Variants in COL1A2 observed in about 807,000 individuals in gnomAD.
COL1A2 encodes collagen type I alpha 2 chain, also known as collagen alpha-2(I) chain.
A neutral mutation model predicts 174.3 loss-of-function variants in COL1A2; 49 were observed. The observed-to-expected ratio is 0.28, with a 90% CI of 0.22 to 0.36. The LOEUF is 0.36. Ranked by LOEUF, COL1A2 falls within the 10% of genes least tolerant of loss-of-function variation. COL1A2 has a pLI of 1.00. For synonymous variants in COL1A2, 655 were observed against 606.6 expected, an observed-to-expected ratio of 1.08 and a Z score of -1.17; for missense variants, 1,438 against 1,822.7, an observed-to-expected ratio of 0.79 and a Z score of 3.84.
At chr7:94,420,687 C>A in intron 37 of COL1A2, 39 bp downstream of exon 37, 1 of 1,514,688 alleles carries the variant, frequency 6.6e-7, no homozygotes, top group East Asian at 2.4e-5. Context: ...AGCAGCTACC[C>A]ATTAGATCTT....
chr7:94,410,091 C>G, intron 19 of COL1A2, 151 bp from the exon 20 acceptor site: 2 of 852,794 alleles, frequency 2.3e-6, no homozygotes, highest in South Asian at 2.9e-5. Context: ...AATACCATTC[C>G]CCTGTACTCA....
rs779173151 is a variant in COL1A2, at chr7:94,411,130, G to C, written c.1326G>C (p.Gly442=). 1.6e-5 allele frequency: 26 copies of C among 1,594,116 alleles called. 2 individuals are homozygous for C. The South Asian group carries it at 2.5e-4, about 15-fold the overall frequency. ...CTAATGGAGATGCTGGTCGCCCTGG[G>C]GAGCCTGGTCTCATGGGACCCAGAG... The part of the protein sequence containing the change: ...RGPNGDAGRP[G]EPGLMGPRGL... The change falls in exon 23 of 52, where the codon GGG becomes GGC. Residue 442 remains glycine, a synonymous_variant. Transcript: ENST00000297268.
chr7:94,408,966 A>G, intron 16 of COL1A2, 143 bp downstream of exon 16: 3 of 828,752 alleles, frequency 3.6e-6, no homozygotes, highest in South Asian at 1.5e-5. Context: ...ACATAGAATG[A>G]CCAGTTTTCT....
rs770641423 is a variant in COL1A2, at chr7:94,417,731, C to G, written c.1871C>G (p.Pro624Arg). ...ACATGTGTTTGACTCAAGGGTGAACCTGGTGTGGTTGGTGCTGTGGGCACT... is the reference window on the plus strand; with the variant it reads ...ACATGTGTTTGACTCAAGGGTGAACGTGGTGTGGTTGGTGCTGTGGGCACT... ...PPGPDGNKGE[P>R]GVVGAVGTAG... The change falls in exon 32 of 52, where the codon CCT becomes CGT. Residue 624 changes from proline (P) to arginine (R), a missense_variant. Around this residue, in one of 3 missense-constraint regions of COL1A2, gnomAD observed 867 missense variants for 1,213.7 expected, o/e 0.71. Coordinates refer to ENST00000297268, the MANE Select transcript of COL1A2 (RefSeq NM_000089.4). The G allele has an allele frequency of 6.3e-7, 1 of 1,592,122 alleles. No individual in the cohort carries two copies. The highest frequency in any genetic ancestry group is 1.1e-5 in the South Asian group (1 of 87,144).
rs75610664 is a variant in COL1A2, at chr7:94,427,389, G to T, written c.3267+94G>T. The T allele has an allele frequency of 6.5e-3, 8,174 of 1,254,554 alleles. 407 individuals carry two copies. In the African/African-American group the frequency reaches 0.1, roughly 16 times the overall value. The allele number at this position is 1,254,554 out of a possible 1,614,324, so 77.7% of individuals were successfully genotyped here. On this transcript the variant is annotated intron_variant, in intron 48 of 51. Transcript: ENST00000297268. Reference sequence around the variant, plus strand: ...AAGACAACTTTGACAACCCATTAAAGTTAGCCCCATTTCAATATATCCTCT... The same window carrying T: ...AAGACAACTTTGACAACCCATTAAATTTAGCCCCATTTCAATATATCCTCT...
chr7:94,428,255 T>G, intron 49 of COL1A2, 38 bp from the exon 50 acceptor site: 5 of 1,491,482 alleles, frequency 3.4e-6, no homozygotes, highest in Non-Finnish European at 3.7e-6. Context: ...TTCTGCTCAA[T>G]GAGAAGTTTC....
At position 94,427,262 on chromosome 7, in the gene COL1A2, C is replaced by T. The variant is rs758603873; in HGVS notation, c.3234C>T (p.Gly1078=). 1 of 1,613,696 alleles carries T rather than the reference C, an allele frequency of 6.2e-7. No individual in the cohort carries two copies. The highest frequency in any genetic ancestry group is 1.1e-5 in the South Asian group (1 of 90,964). The part of the protein sequence containing the change: ...TGHPGTVGPA[G]IRGPQGHQGP... ...ATCCTGGTACAGTTGGACCTGCTGG[C>T]ATTCGAGGCCCTCAGGGTCACCAAG... Residue 1078 remains glycine (G), a synonymous_variant, in exon 48 of 52, where the codon GGC becomes GGT. Coordinates refer to ENST00000297268, the MANE Select transcript of COL1A2 (RefSeq NM_000089.4).
chr7:94,407,398 A>T (rs1372265370), intron 12 of COL1A2, among the ~76,000 whole-genome samples: 1 of 152,174 alleles, frequency 6.6e-6, no homozygotes, highest in Non-Finnish European at 1.5e-5. Context: ...TATAGATTGG[A>T]AATAAATATG....
At chr7:94,397,024 C>A (rs41317852) in intron 1 of COL1A2, among the ~76,000 whole-genome samples, 67 of 152,064 alleles carry the variant, frequency 4.4e-4, no homozygotes, top group African/African-American at 1.6e-3. Context: ...TTTTCAAGAT[C>A]TTTAATCCGG....
rs2115874899 is a variant in COL1A2 at position 94,404,554 on chromosome 7, A to G, written c.280-2A>G. On this transcript the variant is annotated splice_acceptor_variant, in intron 6 of 51. Transcript: ENST00000297268. LOFTEE classifies it high-confidence loss of function. ...CTGTTGATATATCTGCTTTCTTTAC[A>G]GGGCTTAATGGGACCTAGAGGCCCA... The G allele has an allele frequency of 6.2e-7, 1 of 1,613,154 alleles. No homozygotes were observed. The highest frequency in any genetic ancestry group is 1.1e-5 in the South Asian group (1 of 91,050).
intron 21 of COL1A2, 51 bp from the exon 22 acceptor site, chr7:94,410,838 C>G: frequency 1.9e-6 from 3 of 1,589,342 alleles, no homozygotes; most frequent in Non-Finnish European, 2.6e-6. Context: ...TCTACCTTAT[C>G]AAAGCCAAGA....
Position 94,395,346 on chromosome 7 carries a change from G to A in COL1A2, c.70+245G>A, listed in dbSNP as rs187643602. 8.3e-4 allele frequency: 471 copies of A among 568,024 alleles called. 3 individuals carry two copies. Among genetic ancestry groups the A allele is most frequent in the African/African-American group, 7.9e-3 (422 of 53,252 alleles). The allele number at this position is 568,024 out of a possible 1,614,324, so 35.2% of individuals were successfully genotyped here. A position where few individuals can be genotyped will look rare whatever the true frequency, so the allele number is the denominator to read the frequency against. ...AGTTCAGAGTGAGACAGTTAACTCG[G>A]TCTGGCTCCTCAGCTTAGTAACCCC... On this transcript the variant is annotated intron_variant, in intron 1 of 51. Transcript: ENST00000297268.
Position 94,419,478 on chromosome 7 carries a change from T to C in COL1A2, c.2026-20T>C. ...GATACGGGGTGTTATTAATAAGACA[T>C]GTTTCCTTTTTGGTACTAGGGTGCT... On this transcript the variant is annotated intron_variant, in intron 33 of 51. Coordinates refer to ENST00000297268, the MANE Select transcript of COL1A2 (RefSeq NM_000089.4). The C allele has an allele frequency of 6.2e-7, 1 of 1,613,800 alleles. No individual in the cohort carries two copies. The highest frequency in any genetic ancestry group is 8.5e-7 in the Non-Finnish European group (1 of 1,179,772).
chr7:94,421,261 C>T, intron 38 of COL1A2, 199 bp downstream of exon 38: 1 of 639,380 alleles, frequency 1.6e-6, no homozygotes, highest in South Asian at 1.9e-5. Context: ...TATCAGCTCA[C>T]TTGAGGTAAT....
intron 7 of COL1A2, 37 bp downstream of exon 7, chr7:94,404,637 AAGAC>A: frequency 3.7e-6 from 6 of 1,614,150 alleles, no homozygotes; most frequent in Non-Finnish European, 5.1e-6. Flanking sequence ...CTTATGTAAA[AAGAC>A]AGAGAATTAA....
chr7:94,428,256 G>A, intron 49 of COL1A2, 37 bp from the exon 50 acceptor site: 2 of 1,499,220 alleles, frequency 1.3e-6, no homozygotes, highest in Non-Finnish European at 1.9e-6. Flanking sequence ...TCTGCTCAAT[G>A]AGAAGTTTCA....
At chr7:94,414,911 G>A (rs905124563) in intron 29 of COL1A2, among the ~76,000 whole-genome samples, 5 of 152,142 alleles carry the variant, frequency 3.3e-5, no homozygotes, top group Non-Finnish European at 7.4e-5. Flanking sequence ...AATAGGCAAT[G>A]TCTAATATTC....
At position 94,430,979 on chromosome 7, in the gene COL1A2, A is replaced by G. The variant is rs542421334; in HGVS notation, c.*586A>G. Reference sequence around the variant, plus strand: ...TTGTATCGTGTGGTGTATTTTTTAAAAAATTTGATTTAGCATTCATATTTT... The same window carrying G: ...TTGTATCGTGTGGTGTATTTTTTAAGAAATTTGATTTAGCATTCATATTTT... On this transcript the variant is annotated 3_prime_UTR_variant, in exon 52 of 52. Coordinates refer to ENST00000297268, the MANE Select transcript of COL1A2 (RefSeq NM_000089.4). 7 of 152,700 alleles carry G rather than the reference A, an allele frequency of 4.6e-5. No homozygotes were observed. Among genetic ancestry groups the G allele is most frequent in the Non-Finnish European group, 7.3e-5 (5 of 68,106 alleles). 9.5% of individuals were successfully genotyped at this position (152,700 alleles called of 1,614,324 possible).
chr7:94,424,768 G>C, intron 41 of COL1A2: 1 of 461,758 alleles, frequency 2.2e-6, no homozygotes, highest in South Asian at 2.2e-5. Flanking sequence ...ATGAAACTCT[G>C]GAAGTTCTGA....
Sources: gnomAD v4.1 joint callset for allele counts (sites outside exome capture counted in the v4.1 genomes callset) on GRCh38, gnomAD v4.1.1 for gene constraint, gnomAD v4.1.1 regional missense constraint, MANE v1.5 for transcripts, NCBI Gene and HGNC (gene_info 2026-07-23, HGNC 2026-07-21) for gene names.